Variants in ERN2 observed in about 807,000 individuals in gnomAD.
ERN2 encodes endoplasmic reticulum to nucleus signaling 2.
Under a neutral mutation model 107.9 loss-of-function variants are expected in ERN2, and 111 were observed. That is an observed-to-expected ratio of 1.03 (90% CI 0.88 to 1.20). The LOEUF is 1.20. Ranked by LOEUF, ERN2 falls within the 50% of genes most tolerant of loss-of-function variation. The pLI is 0.00. For synonymous variants in ERN2, 524 were observed against 501.7 expected (o/e 1.04, Z -0.59); for missense variants, 1,225 against 1,197.9 (o/e 1.02, Z -0.33).
At chr16:23,696,036 GC>G in intron 13 of ERN2, 58 bp from the exon 14 acceptor site, 1 of 1,298,736 alleles carries the variant, frequency 7.7e-7, no homozygotes, top group Non-Finnish European at 1.1e-6. Context: ...CCGGCCACTG[GC>G]CCAGTCCAGA....
intron 1 of ERN2, among the ~76,000 whole-genome samples, chr16:23,711,241 A>G (rs1439722080): frequency 1.3e-5 from 2 of 152,202 alleles, no homozygotes; most frequent in African/African-American, 2.4e-5. Flanking sequence ...TTGGCTCCCA[A>G]TGTATCTAAA....
chr16:23,711,107 C>T (rs746772987), intron 1 of ERN2, 89 bp from the exon 2 acceptor site: 42 of 821,756 alleles, frequency 5.1e-5, no homozygotes, highest in Non-Finnish European at 8.3e-5. Flanking sequence ...CATGACTCCC[C>T]TTCCCCCAGA....
intron 11 of ERN2, 95 bp downstream of exon 11, chr16:23,702,057 T>G: frequency 7.7e-6 from 10 of 1,295,086 alleles, no homozygotes; most frequent in Non-Finnish European, 1.1e-5. Flanking sequence ...CACCCCCGAG[T>G]GTTATTCTTA....
At chr16:23,709,913 C>CT (rs1960472437) in intron 4 of ERN2, 2 of 425,060 alleles carry the variant, frequency 4.7e-6, no homozygotes, top group Non-Finnish European at 8.5e-6. Flanking sequence ...ATACATTTCT[C>CT]TTTAAAGCCC....
chr16:23,703,702 C>G (rs1379740550), intron 8 of ERN2, among the ~76,000 whole-genome samples: 1 of 152,200 alleles, frequency 6.6e-6, no homozygotes, highest in African/African-American at 2.4e-5. Flanking sequence ...AGGCTCTACT[C>G]CTTTCTCAGG....
At chr16:23,700,750 C>G in intron 12 of ERN2, 46 bp from the exon 13 acceptor site, 1 of 1,571,836 alleles carries the variant, frequency 6.4e-7, no homozygotes, top group Non-Finnish European at 8.6e-7. Flanking sequence ...CCACGCCCTG[C>G]CCCGTGATGG....
intron 14 of ERN2, 147 bp downstream of exon 14, chr16:23,695,747 A>G (rs945995628): frequency 3.7e-6 from 2 of 542,814 alleles, no homozygotes; most frequent in Non-Finnish European, 6.5e-6. Flanking sequence ...AAAAAAAAAA[A>G]CAGATAAAGG....
intron 7 of ERN2, 139 bp from the exon 8 acceptor site, chr16:23,705,286 G>T: frequency 1.0e-6 from 1 of 959,868 alleles, no homozygotes; most frequent in Non-Finnish European, 1.5e-6. Flanking sequence ...GTTTGTTGGA[G>T]TTCATGGAGT....
At chr16:23,696,840 T>C (rs1297363336) in intron 13 of ERN2, 1 of 152,126 alleles carries the variant, frequency 6.6e-6, no homozygotes, top group Non-Finnish European at 1.5e-5. Flanking sequence ...CTCTACTTTA[T>C]AAGAGTTTTT....
At chr16:23,703,743 T>C (rs530749725) in intron 8 of ERN2, among the ~76,000 whole-genome samples, 2 of 152,348 alleles carry the variant, frequency 1.3e-5, no homozygotes, top group East Asian at 3.9e-4. Context: ...AATTTTTTCC[T>C]GTTACCTGAA....
intron 13 of ERN2, chr16:23,696,783 C>T (rs1959846060): frequency 6.6e-6 from 1 of 152,210 alleles, no homozygotes; most frequent in Non-Finnish European, 1.5e-5. Context: ...TATGGCAAAA[C>T]ATATATGGCA....
At chr16:23,701,167 T>C in intron 11 of ERN2, 53 bp from the exon 12 acceptor site, 4 of 1,571,424 alleles carry the variant, frequency 2.5e-6, no homozygotes, top group Non-Finnish European at 3.5e-6. Context: ...AGGGAACCCC[T>C]AACTTTTCTT....
Position 23,707,175 on chromosome 16 carries a change from G to A in ERN2, c.307-96C>T, listed in dbSNP as rs750350186. The A allele has an allele frequency of 1.1e-4, 98 of 855,944 alleles. 1 individual carries two copies. Among genetic ancestry groups the A allele is most frequent in the South Asian group, 6.1e-4 (45 of 73,214 alleles). 53.0% of individuals were successfully genotyped at this position (855,944 alleles called of 1,614,324 possible). The stretch of plus-strand genomic sequence containing the variant: ...CATTTCCATAGCAACCAATTAACAG[G>A]TATTACTATCATTTCCACTTTTCAG... On this transcript the variant is annotated intron_variant, in intron 4 of 21. Transcript: ENST00000256797.
chr16:23,706,863 T>C lies in ERN2; in HGVS notation c.380-2A>G. 6.2e-7 allele frequency: 1 copy of C among 1,612,116 alleles called. No homozygotes were observed. Among genetic ancestry groups the C allele is most frequent in the Non-Finnish European group, 8.5e-7 (1 of 1,178,318 alleles). On this transcript the variant is annotated splice_acceptor_variant, in intron 5 of 21. Coordinates refer to ENST00000256797, the MANE Select transcript of ERN2 (RefSeq NM_033266.4). LOFTEE classifies it high-confidence loss of function. ...CAAACCAGGCATCCTGCTTCCGGCC[T>C]GTGGAGGTGGAAAGTGTGTTAGCTC...
intron 13 of ERN2, among the ~76,000 whole-genome samples, chr16:23,700,180 CTT>C (rs1355317344): frequency 7.2e-5 from 11 of 151,996 alleles, no homozygotes; most frequent in African/African-American, 2.2e-4. Context: ...CAAAACAAAA[CTT>C]TAAAACTAGC....
chr16:23,690,756 GAT>G lies in ERN2; in HGVS notation c.*73_*74del. On this transcript the variant is annotated 3_prime_UTR_variant, in exon 22 of 22. Coordinates refer to ENST00000256797, the MANE Select transcript of ERN2 (RefSeq NM_033266.4). The stretch of plus-strand genomic sequence containing the variant: ...AGGTGTGAGCCACTGCACCCAGCCT[GAT>G]TCTGAGGCCAGCCACAGGCTCAGCT... 2 of 1,341,314 alleles carry G rather than the reference GAT, an allele frequency of 1.5e-6. No individual in the cohort carries two copies. Among genetic ancestry groups the G allele is most frequent in the Non-Finnish European group, 2.1e-6 (2 of 962,982 alleles). The allele number at this position is 1,341,314 out of a possible 1,614,324, so 83.1% of individuals were successfully genotyped here. A position where few individuals can be genotyped will look rare whatever the true frequency, so the allele number is the denominator to read the frequency against.
rs376515199 is a variant in ERN2 at position 23,695,169 on chromosome 16, C to T, written c.1800+31G>A. The T allele has an allele frequency of 3.1e-6, 5 of 1,613,618 alleles. No homozygotes were observed. In the African/African-American group the frequency reaches 5.3e-5, roughly 17 times the overall value. On this transcript the variant is annotated intron_variant, in intron 15 of 21. Coordinates refer to ENST00000256797, the MANE Select transcript of ERN2 (RefSeq NM_033266.4). Reference sequence around the variant, plus strand: ...TCACTCTCCAGCCCGGACCTTCCCACTCACCCTCCCTGAACCGCAATGCAA... The same window carrying T: ...TCACTCTCCAGCCCGGACCTTCCCATTCACCCTCCCTGAACCGCAATGCAA...
At position 23,701,152 on chromosome 16, in the gene ERN2, C is replaced by G. The variant is rs531805157; in HGVS notation, c.1204-38G>C. The G allele has an allele frequency of 3.8e-6, 6 of 1,595,242 alleles. No homozygotes were observed. The East Asian group carries it at 1.3e-4, about 36-fold the overall frequency. ...GGCCCTTCACTTTTAGCACCCCCTTCCACCAGGGAACCCCTAACTTTTCTT... is the reference window on the plus strand; with the variant it reads ...GGCCCTTCACTTTTAGCACCCCCTTGCACCAGGGAACCCCTAACTTTTCTT... On this transcript the variant is annotated intron_variant, in intron 11 of 21. Transcript: ENST00000256797.
chr16:23,706,364 G>C lies in ERN2; in HGVS notation c.555C>G (p.Tyr185Ter), dbSNP rs1293587760. The C allele has an allele frequency of 3.8e-6, 6 of 1,562,480 alleles. No homozygotes were observed. Among genetic ancestry groups the C allele is most frequent in the Non-Finnish European group, 5.2e-6 (6 of 1,155,860 alleles). ...GTGAGCCATCCATGGGGGGCGCTGA[G>C]TAGCGGCGGTAGGTGGTGTTCCAGC... ...ALRWNTTYRR[Y>*]SAPPMDGSPG... The change falls in exon 7 of 22, where the codon TAC becomes TAG. Residue 185 changes from tyrosine to a stop codon, truncating the protein, a stop_gained. Transcript: ENST00000256797. LOFTEE classifies it high-confidence loss of function.
Sources: allele counts gnomAD v4.1 joint callset (sites outside exome capture counted in the v4.1 genomes callset), GRCh38; gene constraint gnomAD v4.1.1; transcripts MANE v1.5; gene names NCBI Gene and HGNC (gene_info 2026-07-23, HGNC 2026-07-21).